Variants in NPAT observed in about 807,000 individuals in gnomAD.
The protein encoded by NPAT is protein NPAT.
A neutral mutation model predicts 130.7 loss-of-function variants in NPAT; 52 were observed. That is an observed-to-expected ratio of 0.40 (90% confidence interval 0.32 to 0.50). NPAT has a LOEUF of 0.50. Among genes scored for constraint, NPAT ranks in the 20% least tolerant of loss-of-function variants. The probability of loss-of-function intolerance (pLI) is 0.68; values close to 1 mark genes in which losing one functional copy is unlikely to be tolerated. For synonymous variants in NPAT, 580 were observed against 584.8 expected (o/e 0.99, Z 0.12); for missense variants, 1,687 against 1,662.6 (o/e 1.01, Z -0.26).
intron 10 of NPAT, among the ~76,000 whole-genome samples, 157 bp from the exon 11 acceptor site, chr11:108,177,247 T>A (rs1244320047): frequency 6.6e-6 from 1 of 152,092 alleles, no homozygotes; most frequent in Non-Finnish European, 1.5e-5. Flanking sequence ...CTGAAATTCC[T>A]GGGCTCAACT....
chr11:108,215,233 AT>A (rs2078422334), intron 1 of NPAT, among the ~76,000 whole-genome samples: 1 of 152,180 alleles, frequency 6.6e-6, no homozygotes, highest in African/African-American at 2.4e-5. Flanking sequence ...GTATTCCCTT[AT>A]ATTTTCCTTT....
Position 108,205,791 on chromosome 11 carries a change from C to A in NPAT, c.38-8371G>T, listed in dbSNP as rs184140399. Among the ~76,000 whole-genome samples the A allele has an allele frequency of 9.1e-4, 139 of 152,154 alleles. 1 individual carries two copies. The highest frequency in any genetic ancestry group is 3.0e-3 in the African/African-American group (125 of 41,488). On this transcript the variant is annotated intron_variant, in intron 1 of 17. Coordinates refer to ENST00000278612, the MANE Select transcript of NPAT (RefSeq NM_002519.3). ...GGTGCAGTGGCTCATGCCTGTAATC[C>A]CAGCACTTTGAGAGGTTTAGACGGG... is the stretch of plus-strand genomic sequence containing the variant.
At chr11:108,202,305 T>C (rs768960302) in intron 1 of NPAT, among the ~76,000 whole-genome samples, 2 of 152,008 alleles carry the variant, frequency 1.3e-5, no homozygotes, top group South Asian at 2.1e-4. Flanking sequence ...ACAGATGAAA[T>C]AGCTGAGGGA....
chr11:108,179,535 C>T (rs1030951653), intron 10 of NPAT, among the ~76,000 whole-genome samples: 37 of 152,184 alleles, frequency 2.4e-4, no homozygotes, highest in Admixed American at 1.0e-3. Flanking sequence ...CCACCACGCC[C>T]GGACTCATAT....
At chr11:108,175,358 G>C (rs1028918749) in intron 12 of NPAT, among the ~76,000 whole-genome samples, 2 of 152,122 alleles carry the variant, frequency 1.3e-5, no homozygotes, top group Admixed American at 6.5e-5. Context: ...CATAGATAAG[G>C]GGGGACTACT....
At position 108,173,268 on chromosome 11, in the gene NPAT, A is replaced by G; in HGVS notation, c.1716T>C (p.Ser572=). ...INFHGSKSSD[S]SEVHKSKIEI... ...CTATTTTACTCTTGTGAACTTCACT[A>G]GAATCTGATGACTTGGAACCATGAA... Residue 572 remains serine, a synonymous_variant, in exon 13 of 18, where the codon TCT becomes TCC. Coordinates refer to ENST00000278612, the MANE Select transcript of NPAT (RefSeq NM_002519.3). 6.2e-7 allele frequency: 1 copy of G among 1,611,288 alleles called. No individual in the cohort carries two copies. The highest frequency in any genetic ancestry group is 8.5e-7 in the Non-Finnish European group (1 of 1,177,896).
At chr11:108,162,634 G>A (rs1388609892) in intron 15 of NPAT, among the ~76,000 whole-genome samples, 1 of 152,188 alleles carries the variant, frequency 6.6e-6, no homozygotes, top group Non-Finnish European at 1.5e-5. Flanking sequence ...GTTTCGCCAT[G>A]TTGGCCAGGC....
intron 13 of NPAT, 79 bp downstream of exon 13, chr11:108,172,120 C>A: frequency 8.4e-7 from 1 of 1,186,352 alleles, no homozygotes; most frequent in Non-Finnish European, 1.3e-6. Flanking sequence ...GTTATTACTT[C>A]GCAGTCAATA....
At position 108,222,484 on chromosome 11, in the gene NPAT, C is replaced by G. The variant is rs1328080259; in HGVS notation, c.37+16G>C. On this transcript the variant is annotated intron_variant, in intron 1 of 17. Coordinates refer to ENST00000278612, the MANE Select transcript of NPAT (RefSeq NM_002519.3). ...TAGCCGGGTCCAATAACCCTCCATC[C>G]CGCGTCCGCGCTTACCCAATACAAG... is the stretch of plus-strand genomic sequence containing the variant. 1 of 1,613,398 alleles carries G rather than the reference C, an allele frequency of 6.2e-7. No homozygotes were observed. Among genetic ancestry groups the G allele is most frequent in the Admixed American group, 1.7e-5 (1 of 59,926 alleles).
chr11:108,183,997 A>G (rs2078080872), intron 10 of NPAT, among the ~76,000 whole-genome samples: 2 of 151,368 alleles, frequency 1.3e-5, no homozygotes, highest in Non-Finnish European at 2.9e-5. Flanking sequence ...AAATTAAAGG[A>G]TAGTTGCACA....
chr11:108,222,118 G>C (rs1011355360), intron 1 of NPAT, among the ~76,000 whole-genome samples: 1 of 152,048 alleles, frequency 6.6e-6, no homozygotes, highest in African/African-American at 2.4e-5. Context: ...GCCCTATTTT[G>C]GTCCCAACAC....
rs2078098186 is a variant in NPAT at position 108,185,403 on chromosome 11, C to T, written c.818G>A (p.Ser273Asn). 1 of 1,590,108 alleles carries T rather than the reference C, an allele frequency of 6.3e-7. No individual in the cohort carries two copies. ...LAENINKFLT[S>N]DNNIAQVPKQ... ...GGCATTTTAAACATATATAGCTTAC[C>T]TAGTTAAAAATTTATTTATGTTTTC... The change falls in exon 9 of 18, where the codon AGT becomes AAT. Residue 273 changes from serine to asparagine, a missense_variant and splice_region_variant. This residue lies in a region of NPAT where 1,379 missense variants were observed against 1,346.6 expected (regional missense o/e 1.02). Transcript: ENST00000278612.
chr11:108,178,820 T>C (rs1163385477), intron 10 of NPAT, among the ~76,000 whole-genome samples: 1 of 152,154 alleles, frequency 6.6e-6, no homozygotes, highest in East Asian at 1.9e-4. Context: ...ATGGTGCCAG[T>C]GCACTCCAGC....
intron 1 of NPAT, among the ~76,000 whole-genome samples, chr11:108,211,213 T>A (rs2078380663): frequency 7.2e-6 from 1 of 139,480 alleles, no homozygotes. Flanking sequence ...AGACACCGTC[T>A]AAAAAAAAAA....
chr11:108,179,507 T>A (rs2078039258), intron 10 of NPAT, among the ~76,000 whole-genome samples: 1 of 152,270 alleles, frequency 6.6e-6, no homozygotes, highest in Non-Finnish European at 1.5e-5. Flanking sequence ...CCCAAAGTGC[T>A]GGGATTACAG....
At chr11:108,164,380 T>C (rs551323642) in intron 15 of NPAT, among the ~76,000 whole-genome samples, 1 of 152,302 alleles carries the variant, frequency 6.6e-6, no homozygotes, top group African/African-American at 2.4e-5. Flanking sequence ...GCTGGACAGA[T>C]CAAGGGCTAT....
intron 17 of NPAT, among the ~76,000 whole-genome samples, chr11:108,160,053 A>G (rs2077830598): frequency 6.6e-6 from 1 of 151,362 alleles, no homozygotes; most frequent in African/African-American, 2.4e-5. Flanking sequence ...CAGGGGGCTG[A>G]GGCAGGGAAT....
chr11:108,192,700 A>C (rs1254585690), intron 3 of NPAT, among the ~76,000 whole-genome samples: 1 of 152,214 alleles, frequency 6.6e-6, no homozygotes, highest in African/African-American at 2.4e-5. Context: ...TCACGCCTGT[A>C]ATCCCAGCAC....
rs878996917 is a variant in NPAT, at chr11:108,206,236, C to T, written c.38-8816G>A. Among the ~76,000 whole-genome samples the T allele has an allele frequency of 3.3e-5, 5 of 152,210 alleles. No individual in the cohort carries two copies. In the East Asian group the frequency reaches 5.8e-4, roughly 18 times the overall value. ...TGTTGTCACAGGATCCTTAGGGTGTCGCTTTTCCAGTTCGAAACCTCTGTG... is the reference window on the plus strand; with the variant it reads ...TGTTGTCACAGGATCCTTAGGGTGTTGCTTTTCCAGTTCGAAACCTCTGTG... On this transcript the variant is annotated intron_variant, in intron 1 of 17. Transcript: ENST00000278612.
Sources: gnomAD v4.1 joint callset for allele counts (sites outside exome capture counted in the v4.1 genomes callset) on GRCh38, gnomAD v4.1.1 for gene constraint, gnomAD v4.1.1 regional missense constraint, MANE v1.5 for transcripts, NCBI Gene and HGNC (gene_info 2026-07-23, HGNC 2026-07-21) for gene names.